Variants in GRIP1 observed in about 807,000 individuals in gnomAD.
GRIP1 encodes glutamate receptor interacting protein 1, also known as glutamate receptor-interacting protein 1.
In GRIP1, 45 loss-of-function variants were observed where a neutral mutation model predicts 129.9. The observed-to-expected ratio is 0.35, with a 90% CI of 0.27 to 0.44. The LOEUF (loss-of-function observed/expected upper bound fraction) is 0.44, where lower values mean the gene tolerates loss of function less well. Ranked by LOEUF, GRIP1 falls within the 20% of genes least tolerant of loss-of-function variation. GRIP1 has a pLI of 1.00. For missense variants in GRIP1, 1,196 were observed against 1,396.8 expected (o/e 0.86, Z 2.29); for synonymous variants, 530 against 520.8 (o/e 1.02, Z -0.24).
chr12:66,596,918 G>C lies in GRIP1; in HGVS notation c.65C>G (p.Pro22Arg). The C allele has an allele frequency of 6.2e-7, 1 of 1,610,764 alleles. No homozygotes were observed. Among genetic ancestry groups the C allele is most frequent in the Non-Finnish European group, 8.5e-7 (1 of 1,176,942 alleles). Residue 22 changes from proline to arginine, a missense_variant, in exon 2 of 25, where the codon CCC (proline) becomes CGC (arginine). By Grantham distance (103) the Pro-to-Arg change is moderately radical. Transcript: ENST00000359742. The part of the protein sequence containing the change: ...ILRRLTKDES[P>R]YTKSASQTKP... ...TGTCTGGCTGGCGGATTTAGTGTAG[G>C]GACTCTCATCTGCAAAGGTACAATG...
intron 1 of GRIP1, among the ~76,000 whole-genome samples, chr12:66,730,701 C>CAAAAAAAAAAAAAAAA (rs3051132): frequency 2.8e-5 from 2 of 71,186 alleles, no homozygotes; most frequent in Non-Finnish European, 5.3e-5. Flanking sequence ...GGGTCATCTA[C>CAAAAAAAAAAAAAAAA]AAAAAAAAAA....
intron 1 of GRIP1, among the ~76,000 whole-genome samples, chr12:66,966,626 G>A (rs1033018492): frequency 5.9e-5 from 9 of 152,070 alleles, no homozygotes; most frequent in Admixed American, 6.6e-5. Context: ...TGAGATTTCC[G>A]TTGGTTTTAA....
chr12:66,667,428 A>G (rs1381452369), intron 1 of GRIP1, among the ~76,000 whole-genome samples: 1 of 152,156 alleles, frequency 6.6e-6, no homozygotes, highest in Non-Finnish European at 1.5e-5. Flanking sequence ...TTGTTCCTGA[A>G]TCACCTCTTC....
At chr12:66,669,207 G>A (rs1293265533) in intron 1 of GRIP1, among the ~76,000 whole-genome samples, 1 of 152,038 alleles carries the variant, frequency 6.6e-6, no homozygotes, top group Non-Finnish European at 1.5e-5. Context: ...GGGGTCAGGA[G>A]TTTGAGACCA....
chr12:66,807,235 C>T (rs565989944), upstream of GRIP1, among the ~76,000 whole-genome samples: 4 of 152,268 alleles, frequency 2.6e-5, no homozygotes, highest in East Asian at 7.7e-4. Flanking sequence ...TCATGTCAAA[C>T]TGTAATCCCT....
intron 1 of GRIP1, among the ~76,000 whole-genome samples, chr12:66,837,357 T>G (rs1376103227): frequency 6.6e-6 from 1 of 152,148 alleles, no homozygotes; most frequent in Admixed American, 6.5e-5. Context: ...ACTGATTGAC[T>G]CTATTTGGGT....
chr12:66,771,539 A>C (rs12322096), intron 1 of GRIP1, among the ~76,000 whole-genome samples: 1 of 152,094 alleles, frequency 6.6e-6, no homozygotes, highest in African/African-American at 2.4e-5. Flanking sequence ...GGCTGAATTA[A>C]ATTTGGGGTT....
rs1399155187 is a variant in GRIP1, at chr12:66,532,795, C to A, written c.419-2881G>T. 2.0e-5 allele frequency among the ~76,000 whole-genome samples: 3 copies of A among 152,134 alleles called. No homozygotes were observed. The South Asian group carries it at 6.2e-4, about 32-fold the overall frequency. On this transcript the variant is annotated intron_variant, in intron 4 of 24. Coordinates refer to ENST00000359742, the MANE Select transcript of GRIP1 (RefSeq NM_001366722.1). The stretch of plus-strand genomic sequence containing the variant: ...ACTTCACCACCACCACCACCACCAC[C>A]ACCATCATCTGTCTATTTTAGAACT...
intron 16 of GRIP1, among the ~76,000 whole-genome samples, chr12:66,399,276 C>G (rs1240154254): frequency 6.6e-6 from 1 of 151,874 alleles, no homozygotes; most frequent in Non-Finnish European, 1.5e-5. Flanking sequence ...CGGGCTTTAA[C>G]TCAACTGGTG....
chr12:66,614,899 G>A (rs1357777091), intron 1 of GRIP1, among the ~76,000 whole-genome samples: 1 of 152,038 alleles, frequency 6.6e-6, no homozygotes, highest in African/African-American at 2.4e-5. Context: ...CTTATGCCTT[G>A]GCATGACCAG....
chr12:66,368,017 G>A (rs944199244), intron 23 of GRIP1, among the ~76,000 whole-genome samples: 4 of 152,230 alleles, frequency 2.6e-5, no homozygotes, highest in Non-Finnish European at 5.9e-5. Flanking sequence ...TCCCAGTGGA[G>A]CCTCAGATGC....
chr12:66,433,637 C>T (rs2137981046), intron 13 of GRIP1, among the ~76,000 whole-genome samples: 1 of 152,270 alleles, frequency 6.6e-6, no homozygotes, highest in Non-Finnish European at 1.5e-5. Context: ...TCTTAAAATT[C>T]CTTAACAGTC....
chr12:66,837,677 C>T (rs1443458452), intron 1 of GRIP1, among the ~76,000 whole-genome samples: 1 of 152,118 alleles, frequency 6.6e-6, no homozygotes, highest in African/African-American at 2.4e-5. Flanking sequence ...GAAAATTACT[C>T]TGTTGGTGGT....
chr12:67,006,975 G>A (rs1009355010), intron 1 of GRIP1, among the ~76,000 whole-genome samples: 3 of 152,150 alleles, frequency 2.0e-5, no homozygotes, highest in African/African-American at 7.2e-5. Flanking sequence ...TAAAACTACA[G>A]AACAAAATCA....
intron 1 of GRIP1, among the ~76,000 whole-genome samples, chr12:66,830,232 G>C (rs535880342): frequency 6.6e-6 from 1 of 152,124 alleles, no homozygotes; most frequent in African/African-American, 2.4e-5. Context: ...GCGATGCCCA[G>C]AACCTGTGAA....
At chr12:66,845,061 C>T (rs1372173834) in intron 1 of GRIP1, among the ~76,000 whole-genome samples, 1 of 152,158 alleles carries the variant, frequency 6.6e-6, no homozygotes, top group Non-Finnish European at 1.5e-5. Flanking sequence ...ATATACTTAA[C>T]ACTATTGAAC....
chr12:66,997,487 T>A (rs2042485690), intron 1 of GRIP1, among the ~76,000 whole-genome samples: 1 of 152,066 alleles, frequency 6.6e-6, no homozygotes, highest in Non-Finnish European at 1.5e-5. Flanking sequence ...TAAAATAAAT[T>A]AAGTTCTCAC....
At chr12:66,591,900 T>G (rs2063860607) in intron 2 of GRIP1, among the ~76,000 whole-genome samples, 1 of 152,114 alleles carries the variant, frequency 6.6e-6, no homozygotes, top group Admixed American at 6.5e-5. Context: ...TCTGGGATTA[T>G]AGGTGTAAGC....
At chr12:66,718,114 T>C (rs1057203335) in intron 1 of GRIP1, among the ~76,000 whole-genome samples, 1 of 152,114 alleles carries the variant, frequency 6.6e-6, no homozygotes, top group Admixed American at 6.6e-5. Context: ...AACTGTAGAC[T>C]CTTCCCACTA....
Sources: allele counts gnomAD v4.1 joint callset (sites outside exome capture counted in the v4.1 genomes callset), GRCh38; gene constraint gnomAD v4.1.1; transcripts MANE v1.5; gene names NCBI Gene and HGNC (gene_info 2026-07-23, HGNC 2026-07-21).